UBE2E3: variants seen among roughly 807,000 people sequenced by gnomAD.
The protein encoded by UBE2E3 is ubiquitin-conjugating enzyme E2 E3.
Under a neutral mutation model 23.6 loss-of-function variants are expected in UBE2E3, and 5 were observed. That is an observed-to-expected ratio of 0.21 (90% CI 0.11 to 0.44). UBE2E3 has a LOEUF of 0.44. Among genes scored for constraint, UBE2E3 ranks in the 20% least tolerant of loss-of-function variants. The pLI is 0.99. For missense variants in UBE2E3, 81 were observed against 249.8 expected, an observed-to-expected ratio of 0.32 and a Z score of 4.55; for synonymous variants, 78 against 87.5, an observed-to-expected ratio of 0.89 and a Z score of 0.60.
intron 3 of UBE2E3, among the ~76,000 whole-genome samples, chr2:181,028,563 C>CA: frequency 6.6e-6 from 1 of 152,248 alleles, no homozygotes; most frequent in African/African-American, 2.4e-5. Flanking sequence ...TCAACTCTGA[C>CA]AATCTTCAGA....
intron 3 of UBE2E3, among the ~76,000 whole-genome samples, chr2:181,009,128 A>G (rs1685240984): frequency 6.6e-6 from 1 of 152,122 alleles, no homozygotes; most frequent in Non-Finnish European, 1.5e-5. Flanking sequence ...ACATTTTGTC[A>G]CTTGTCCTTC....
chr2:181,028,452 A>G (rs956402750), intron 3 of UBE2E3, among the ~76,000 whole-genome samples: 2 of 152,090 alleles, frequency 1.3e-5, no homozygotes, highest in African/African-American at 4.8e-5. Flanking sequence ...TCTCACAGAG[A>G]ACGTGCATAT....
At chr2:181,025,912 T>TG (rs774260367) in intron 3 of UBE2E3, among the ~76,000 whole-genome samples, 12 of 151,966 alleles carry the variant, frequency 7.9e-5, no homozygotes, top group Non-Finnish European at 1.5e-5. Context: ...GAGCAGGCAA[T>TG]GGATTTATGG....
At chr2:181,040,458 TG>T (rs1686453414) in intron 3 of UBE2E3, among the ~76,000 whole-genome samples, 1 of 152,348 alleles carries the variant, frequency 6.6e-6, no homozygotes, top group Admixed American at 6.5e-5. Context: ...ATCAATTTTT[TG>T]CCACAGTGCA....
chr2:181,049,010 C>G (rs950950008), intron 3 of UBE2E3, among the ~76,000 whole-genome samples: 4 of 152,156 alleles, frequency 2.6e-5, no homozygotes, highest in African/African-American at 9.6e-5. Flanking sequence ...GGCAGTAGAA[C>G]TCAGCTGAGA....
intron 3 of UBE2E3, among the ~76,000 whole-genome samples, chr2:181,040,305 CAT>C (rs375790930): frequency 2.6e-5 from 4 of 152,322 alleles, no homozygotes; most frequent in African/African-American, 4.8e-5. Flanking sequence ...TAGTTCTGCA[CAT>C]GTTACACTGT....
chr2:181,035,008 T>C (rs887388750), intron 3 of UBE2E3, among the ~76,000 whole-genome samples: 1 of 152,170 alleles, frequency 6.6e-6, no homozygotes, highest in Non-Finnish European at 1.5e-5. Context: ...GGTGATTCTA[T>C]TTAGATAAAT....
intron 4 of UBE2E3, among the ~76,000 whole-genome samples, chr2:181,058,440 C>A (rs1687044727): frequency 1.3e-5 from 2 of 151,684 alleles, no homozygotes; most frequent in South Asian, 4.1e-4. Flanking sequence ...TAATGACCAT[C>A]AACTTTGCAA....
At chr2:180,998,593 A>G (rs1239562575) in intron 3 of UBE2E3, among the ~76,000 whole-genome samples, 8 of 152,052 alleles carry the variant, frequency 5.3e-5, no homozygotes, top group Non-Finnish European at 1.0e-4. Flanking sequence ...TAATTTACCT[A>G]TGTCATCATG....
intron 4 of UBE2E3, 111 bp from the exon 5 acceptor site, chr2:181,060,554 A>G (rs1378566578): frequency 2.6e-5 from 28 of 1,078,580 alleles, no homozygotes; most frequent in Middle Eastern, 3.3e-4. Flanking sequence ...GTTTAGCTCC[A>G]GTCAAATAAT....
intron 3 of UBE2E3, among the ~76,000 whole-genome samples, chr2:181,027,814 A>T (rs1289742580): frequency 6.6e-6 from 1 of 151,990 alleles, no homozygotes; most frequent in Non-Finnish European, 1.5e-5. Flanking sequence ...TAGTCATTTG[A>T]TTGTACAGAA....
At chr2:181,049,193 T>G (rs1234419958) in intron 3 of UBE2E3, among the ~76,000 whole-genome samples, 2 of 152,044 alleles carry the variant, frequency 1.3e-5, no homozygotes, top group Non-Finnish European at 2.9e-5. Context: ...TTAGCTAAGT[T>G]GGATATTATA....
intron 3 of UBE2E3, among the ~76,000 whole-genome samples, chr2:180,999,560 A>G (rs1415438696): frequency 6.6e-6 from 1 of 152,126 alleles, no homozygotes. Context: ...GCGGCGTATG[A>G]GGGTTCCAAT....
chr2:180,991,675 G>A (rs1684663521), intron 3 of UBE2E3, among the ~76,000 whole-genome samples: 2 of 152,146 alleles, frequency 1.3e-5, no homozygotes, highest in African/African-American at 4.8e-5. Context: ...TAGCTCATCA[G>A]CTATTGTTAG....
intron 3 of UBE2E3, among the ~76,000 whole-genome samples, chr2:181,006,031 G>A (rs1685138931): frequency 6.6e-6 from 1 of 152,164 alleles, no homozygotes; most frequent in South Asian, 2.1e-4. Flanking sequence ...GCTAAGGACT[G>A]GGAGGCTGTC....
intron 3 of UBE2E3, among the ~76,000 whole-genome samples, chr2:181,044,981 T>C (rs949064855): frequency 3.3e-5 from 5 of 152,216 alleles, no homozygotes; most frequent in African/African-American, 9.6e-5. Flanking sequence ...ACTAAGTGTT[T>C]ACATAGGACA....
rs115875223 is a variant in UBE2E3 at position 181,024,267 on chromosome 2, G to A, written c.246-33426G>A. On this transcript the variant is annotated intron_variant, in intron 3 of 5. Coordinates refer to ENST00000410062, the MANE Select transcript of UBE2E3 (RefSeq NM_006357.4). ...AAAATGATTGACACTTTATGTGAGAGTAAAACTTAAAGTGAGCTATGAATT... is the reference window on the plus strand; with the variant it reads ...AAAATGATTGACACTTTATGTGAGAATAAAACTTAAAGTGAGCTATGAATT... Among the ~76,000 whole-genome samples the A allele has an allele frequency of 3.4e-3, 520 of 152,212 alleles. 2 individuals are homozygous for A. Among genetic ancestry groups the A allele is most frequent in the Admixed American group, 5.8e-3 (89 of 15,268 alleles).
intron 3 of UBE2E3, among the ~76,000 whole-genome samples, chr2:181,015,383 C>G (rs1314493443): frequency 1.3e-5 from 2 of 151,950 alleles, no homozygotes; most frequent in Non-Finnish European, 2.9e-5. Context: ...ACATCTAGAA[C>G]ATTTTGTCAA....
At chr2:181,049,163 G>A (rs538230975) in intron 3 of UBE2E3, among the ~76,000 whole-genome samples, 1 of 152,142 alleles carries the variant, frequency 6.6e-6, no homozygotes, top group South Asian at 2.1e-4. Flanking sequence ...GGACAGAGCA[G>A]CTTTTTGAGT....
Sources: allele counts gnomAD v4.1 joint callset (sites outside exome capture counted in the v4.1 genomes callset), GRCh38; gene constraint gnomAD v4.1.1; transcripts MANE v1.5; gene names NCBI Gene and HGNC (gene_info 2026-07-23, HGNC 2026-07-21).